Variants in DGKQ observed in about 807,000 individuals in gnomAD.
DGKQ encodes diacylglycerol kinase theta.
A neutral mutation model predicts 104.2 loss-of-function variants in DGKQ; 97 were observed. The observed-to-expected ratio is 0.93, with a 90% CI of 0.79 to 1.10. The LOEUF (loss-of-function observed/expected upper bound fraction) is 1.10. DGKQ is among the 50% of genes least tolerant of loss of function. DGKQ has a pLI of 0.00. For synonymous variants in DGKQ, 736 were observed against 595.2 expected, an observed-to-expected ratio of 1.24 and a Z score of -3.44; for missense variants, 1,465 against 1,352.1, an observed-to-expected ratio of 1.08 and a Z score of -1.31.
rs371321358 is a variant in DGKQ at position 971,178 on chromosome 4, C to T, written c.272-106G>A. 2,104 of 790,322 alleles carry T rather than the reference C, an allele frequency of 2.7e-3. 4 individuals carry two copies. Among genetic ancestry groups the T allele is most frequent in the Non-Finnish European group, 3.3e-3 (1,569 of 478,464 alleles). 49.0% of individuals were successfully genotyped at this position (790,322 alleles called of 1,614,324 possible). A position where few individuals can be genotyped will look rare whatever the true frequency, so the allele number is the denominator to read the frequency against. ...AATGACTGCCATACCCACCATGCTG[C>T]ACCAGGGGCCCTGTGGTCCTCGAGT... On this transcript the variant is annotated intron_variant, in intron 1 of 22. Coordinates refer to ENST00000273814, the MANE Select transcript of DGKQ (RefSeq NM_001347.4). This position sits in a 1 kb window ranked among gnomAD's most constrained non-coding sequence, Gnocchi z 4.0.
In DGKQ at chr4:973,349, G is replaced by C. The variant is rs971676597; in HGVS notation, c.134C>G (p.Pro45Arg). Residue 45 changes from proline to arginine, a missense_variant, in exon 1 of 23, where the codon CCC (proline) becomes CGC (arginine). By Grantham distance (103) the Pro-to-Arg change is moderately radical. Coordinates refer to ENST00000273814, the MANE Select transcript of DGKQ (RefSeq NM_001347.4). ...CGGGGCTCTGACGCCCGCCCGCTCG[G>C]GTCCCGGCCCCGGCCCCGGCCCCGG... ...ARPGPGPGPG[P>R]ERAGVRAPGP... 40 of 1,297,272 alleles carry C rather than the reference G, an allele frequency of 3.1e-5. No homozygotes were observed. The highest frequency in any genetic ancestry group is 5.5e-4 in the Middle Eastern group (2 of 3,622). 80.4% of individuals were successfully genotyped at this position (1,297,272 alleles called of 1,614,324 possible). A position where few individuals can be genotyped will look rare whatever the true frequency, so the allele number is the denominator to read the frequency against.
In DGKQ at chr4:965,498, G is replaced by A. The variant is rs763130436; in HGVS notation, c.1611C>T (p.Ser537=). Residue 537 remains serine, a synonymous_variant, in exon 14 of 23, where the codon TCC becomes TCT. Coordinates refer to ENST00000273814, the MANE Select transcript of DGKQ (RefSeq NM_001347.4). Reference sequence around the variant, plus strand: ...TCCCTCAGGGCAGCTCACCTTGGGAGGAGTAGATGTGACTCACGGACACCA... The same window carrying A: ...TCCCTCAGGGCAGCTCACCTTGGGAAGAGTAGATGTGACTCACGGACACCA... The part of the protein sequence containing the change: ...ATVVSVSHIY[S]SQGAVVLDVA... 2.5e-6 allele frequency: 4 copies of A among 1,611,716 alleles called. No individual in the cohort carries two copies. The highest frequency in any genetic ancestry group is 3.4e-6 in the Non-Finnish European group (4 of 1,179,572).
rs757549786 is a variant in DGKQ at position 967,748 on chromosome 4, G to C, written c.866C>G (p.Thr289Arg). The C allele has an allele frequency of 1.7e-5, 28 of 1,610,698 alleles. No homozygotes were observed. The highest frequency in any genetic ancestry group is 2.2e-5 in the East Asian group (1 of 44,794). The change falls in exon 7 of 23, where the codon ACA (threonine) becomes AGA (arginine). Residue 289 changes from threonine to arginine, a missense_variant. Transcript: ENST00000273814. ...GSAAVGPGRE[T>R]QATPESGKQT... Reference sequence around the variant, plus strand: ...CTTACCGGACTCCGGAGTTGCCTGTGTCTCTCTGCCTGGACCCACGGCAGC... The same window carrying C: ...CTTACCGGACTCCGGAGTTGCCTGTCTCTCTCTGCCTGGACCCACGGCAGC...
chr4:962,019 G>A lies in DGKQ; in HGVS notation c.2278C>T (p.Gln760Ter). 6.2e-7 allele frequency: 1 copy of A among 1,613,180 alleles called. No homozygotes were observed. The highest frequency in any genetic ancestry group is 8.5e-7 in the Non-Finnish European group (1 of 1,179,946). Residue 760 changes from glutamine to a stop codon, truncating the protein, a stop_gained, in exon 19 of 23, where the codon CAG (glutamine) becomes TAG (stop). Coordinates refer to ENST00000273814, the MANE Select transcript of DGKQ (RefSeq NM_001347.4). LOFTEE classifies it high-confidence loss of function. Reference sequence around the variant, plus strand: ...TTGCCAGGCTCCTCTTCCCGTGCCTGGTGGAAGTCCAGGCTCAGCTCCGCG... The same window carrying A: ...TTGCCAGGCTCCTCTTCCCGTGCCTAGTGGAAGTCCAGGCTCAGCTCCGCG... ...IDAELSLDFH[Q>*]AREEEPGKFT...
intron 13 of DGKQ, 50 bp downstream of exon 13, chr4:965,878 C>T (rs1217187307): frequency 2.0e-6 from 3 of 1,516,684 alleles, no homozygotes; most frequent in Non-Finnish European, 1.8e-6. Context: ...CTGCCTGCCG[C>T]TCGACCCTGC....
intron 15 of DGKQ, 80 bp from the exon 16 acceptor site, chr4:963,370 C>T (rs1006275159): frequency 1.5e-6 from 2 of 1,378,596 alleles, no homozygotes; most frequent in Non-Finnish European, 2.0e-6. Flanking sequence ...CAGTGCCCAG[C>T]CCCCAACCCT....
chr4:973,446 G>C lies in DGKQ; in HGVS notation c.37C>G (p.Leu13Val). The C allele has an allele frequency of 2.0e-6, 2 of 987,040 alleles. No homozygotes were observed. The highest frequency in any genetic ancestry group is 2.4e-6 in the Non-Finnish European group (2 of 832,294). 61.1% of individuals were successfully genotyped at this position (987,040 alleles called of 1,614,324 possible). A position where few individuals can be genotyped will look rare whatever the true frequency, so the allele number is the denominator to read the frequency against. The change falls in exon 1 of 23, where the codon CTG becomes GTG. Residue 13 changes from leucine to valine, a missense_variant. Leu to Val is a conservative substitution (Grantham distance 32). Transcript: ENST00000273814. ...CCGGGGCGCGGGGAGCCGCCGCCCA[G>C]CCAGGCGCGGGCCCCGGGCTCGGCC... ...AAAEPGARAWLGGGSPRPGSP... is the reference protein window; with the variant it reads ...AAAEPGARAWVGGGSPRPGSP...
In DGKQ at chr4:961,082, C is replaced by T. The variant is rs766964182; in HGVS notation, c.2694G>A (p.Pro898=). 19 of 1,612,132 alleles carry T rather than the reference C, an allele frequency of 1.2e-5. No individual in the cohort carries two copies. The highest frequency in any genetic ancestry group is 1.2e-4 in the Admixed American group (7 of 59,966). ...CAGCAGCTGAGATGATCATGTGCCC[C>T]GGGGCCTGGACCCAGGGCTCCCCGT... is the stretch of plus-strand genomic sequence containing the variant. ...QVDGEPWVQA[P]GHMIISAAGP... is the part of the protein sequence containing the mutation. The change falls in exon 22 of 23, where the codon CCG becomes CCA. Residue 898 remains proline (P), a synonymous_variant. Transcript: ENST00000273814.
chr4:961,100 C>A lies in DGKQ; in HGVS notation c.2676G>T (p.Glu892Asp). 2 of 1,612,102 alleles carry A rather than the reference C, an allele frequency of 1.2e-6. No individual in the cohort carries two copies. Among genetic ancestry groups the A allele is most frequent in the Non-Finnish European group, 1.7e-6 (2 of 1,179,548 alleles). Residue 892 changes from glutamate to aspartate, a missense_variant, in exon 22 of 23, where the codon GAG becomes GAT. Physicochemically the swap from Glu to Asp is conservative, Grantham distance 45. Coordinates refer to ENST00000273814, the MANE Select transcript of DGKQ (RefSeq NM_001347.4). ...TGTGCCCCGGGGCCTGGACCCAGGGCTCCCCGTCCACCTGCACCGGGGTGG... is the reference window on the plus strand; with the variant it reads ...TGTGCCCCGGGGCCTGGACCCAGGGATCCCCGTCCACCTGCACCGGGGTGG... The part of the protein sequence containing the change: ...LKATPVQVDG[E>D]PWVQAPGHMI...
intron 2 of DGKQ, among the ~76,000 whole-genome samples, chr4:970,344 G>C (rs1013155541): frequency 9.2e-5 from 14 of 152,368 alleles, no homozygotes; most frequent in African/African-American, 3.1e-4. Flanking sequence ...GCTGAGGGAG[G>C]AATAAGCCTG....
At chr4:962,685 G>A (rs1313764937) in intron 17 of DGKQ, 72 bp from the exon 18 acceptor site, 28 of 1,589,394 alleles carry the variant, frequency 1.8e-5, no homozygotes, top group South Asian at 3.4e-5. Context: ...ACCCCACCAC[G>A]AGGACAGCCA....
chr4:966,126 C>A, intron 12 of DGKQ, 48 bp from the exon 13 acceptor site: 1 of 1,535,934 alleles, frequency 6.5e-7, no homozygotes, highest in Non-Finnish European at 8.8e-7. Context: ...ACGGCACCAC[C>A]GCACCAGGCC....
At chr4:962,149 G>T in intron 18 of DGKQ, 67 bp from the exon 19 acceptor site, 1 of 1,376,524 alleles carries the variant, frequency 7.3e-7, no homozygotes, top group Non-Finnish European at 1.0e-6. Context: ...CTCCCCAACA[G>T]CTCTGCCGGC....
intron 3 of DGKQ, 38 bp from the exon 4 acceptor site, chr4:968,602 C>G (rs1712662587): frequency 1.3e-6 from 2 of 1,549,814 alleles, no homozygotes; most frequent in Non-Finnish European, 1.7e-6. Context: ...CTGCCGCCCC[C>G]GGAGGACCCC....
chr4:968,251 AC>A (rs1560518549), intron 5 of DGKQ, 30 bp downstream of exon 5: 3 of 249,848 alleles, frequency 1.2e-5, no homozygotes, highest in Admixed American at 9.3e-5. Context: ...CTCCTGCCCC[AC>A]CCCCACCCCC....
Position 961,643 on chromosome 4 carries a change from TGGCCCCGCCGGGCAGAGCCTCTGGGG to T in DGKQ, c.2462+19_2462+44del. 3 of 1,610,840 alleles carry T rather than the reference TGGCCCCGCCGGGCAGAGCCTCTGGGG, an allele frequency of 1.9e-6. No homozygotes were observed. The highest frequency in any genetic ancestry group is 2.5e-6 in the Non-Finnish European group (3 of 1,179,484). On this transcript the variant is annotated intron_variant, in intron 20 of 22. Transcript: ENST00000273814. ...GCAGGACGAGGGCTGAGCCTGCCCATGGCCCCGCCGGGCAGAGCCTCTGGGGAGCCCCGCCCGCGAGCACCTGGGGA... is the reference window on the plus strand; with the variant it reads ...GCAGGACGAGGGCTGAGCCTGCCCATAGCCCCGCCCGCGAGCACCTGGGGA...
At position 966,500 on chromosome 4, in the gene DGKQ, T is replaced by G; in HGVS notation, c.1394A>C (p.Gln465Pro). 3.1e-6 allele frequency: 5 copies of G among 1,612,538 alleles called. No homozygotes were observed. Among genetic ancestry groups the G allele is most frequent in the Non-Finnish European group, 4.2e-6 (5 of 1,179,718 alleles). Residue 465 changes from glutamine to proline, a missense_variant, in exon 12 of 23, where the codon CAG becomes CCG. Physicochemically the swap from Gln to Pro is moderately conservative, Grantham distance 76. Coordinates refer to ENST00000273814, the MANE Select transcript of DGKQ (RefSeq NM_001347.4). ...GTCCTGTAGCCGGTCCAGCAGGGGC[T>G]GTTCGTCCATCAGCATCGTCCGCTG... ...HVQRTMLMDE[Q>P]PLLDRLQDIR...
chr4:961,258 C>T, intron 21 of DGKQ, 57 bp from the exon 22 acceptor site: 1 of 1,449,556 alleles, frequency 6.9e-7, no homozygotes, highest in African/African-American at 1.5e-5. Context: ...CACCGCTGAC[C>T]TGGCCCTGGG....
Position 971,555 on chromosome 4 carries a change from G to C in DGKQ, c.272-483C>G, listed in dbSNP as rs186510756. 7.2e-4 allele frequency among the ~76,000 whole-genome samples: 110 copies of C among 152,336 alleles called. No homozygotes were observed. Among genetic ancestry groups the C allele is most frequent in the African/African-American group, 2.6e-3 (109 of 41,572 alleles). ...TGAGACCGAGAGCCACCCAAGGCAG[G>C]TGAGGGCTCTGGGAGGCAGGAGCCG... is the stretch of plus-strand genomic sequence containing the variant. On this transcript the variant is annotated intron_variant, in intron 1 of 22. Transcript: ENST00000273814. This position sits in a 1 kb window ranked among gnomAD's most constrained non-coding sequence, Gnocchi z 4.0.
Sources: gnomAD v4.1 joint callset for allele counts (sites outside exome capture counted in the v4.1 genomes callset) on GRCh38, gnomAD v4.1.1 for gene constraint, Gnocchi (gnomAD v3.1) non-coding constraint, MANE v1.5 for transcripts, NCBI Gene and HGNC (gene_info 2026-07-23, HGNC 2026-07-21) for gene names.